FAM193A: variants seen among roughly 807,000 people sequenced by gnomAD.
FAM193A encodes family with sequence similarity 193 member A, also known as protein FAM193A.
Under a neutral mutation model 126.5 loss-of-function variants are expected in FAM193A, and 22 were observed. That is an observed-to-expected ratio of 0.17 (90% CI 0.12 to 0.25). The LOEUF (loss-of-function observed/expected upper bound fraction) is 0.25, where lower values mean the gene tolerates loss of function less well. FAM193A is among the 10% of genes least tolerant of loss of function. The pLI is 1.00. For missense variants in FAM193A, 1,675 were observed against 1,672.8 expected, an observed-to-expected ratio of 1.00 and a Z score of -0.02; for synonymous variants, 761 against 646.8, an observed-to-expected ratio of 1.18 and a Z score of -2.68.
At chr4:2,699,449 C>CAG (rs1159911522) in intron 18 of FAM193A, among the ~76,000 whole-genome samples, 1 of 77,786 alleles carries the variant, frequency 1.3e-5, no homozygotes, top group Non-Finnish European at 2.7e-5. Context: ...CCCCCCCCCA[C>CAG]ACACACACAC....
At chr4:2,711,853 G>A (rs1186264338) in intron 19 of FAM193A, among the ~76,000 whole-genome samples, 1 of 152,048 alleles carries the variant, frequency 6.6e-6, no homozygotes, top group Non-Finnish European at 1.5e-5. Flanking sequence ...CTTGAATTTG[G>A]GAGGCAAAGG....
chr4:2,681,763 C>A (rs1315959596), intron 13 of FAM193A, among the ~76,000 whole-genome samples: 3 of 151,976 alleles, frequency 2.0e-5, no homozygotes, highest in Admixed American at 2.0e-4. Context: ...CACGCCTATC[C>A]TAGTTAGGTT....
intron 5 of FAM193A, among the ~76,000 whole-genome samples, chr4:2,635,742 T>A (rs1744023401): frequency 6.6e-6 from 1 of 152,184 alleles, no homozygotes; most frequent in African/African-American, 2.4e-5. Context: ...TTCACCATGT[T>A]GGCCAGGCTG....
chr4:2,724,272 A>G (rs571467323), intron 20 of FAM193A, among the ~76,000 whole-genome samples: 2 of 151,928 alleles, frequency 1.3e-5, no homozygotes, highest in Non-Finnish European at 2.9e-5. Context: ...CCAACTTTCT[A>G]TATTCATTTA....
At chr4:2,589,902 C>G (rs536907725) in intron 1 of FAM193A, among the ~76,000 whole-genome samples, 427 of 151,984 alleles carry the variant, frequency 2.8e-3, no homozygotes, top group African/African-American at 7.8e-3. Flanking sequence ...TTTGGGAGGC[C>G]GAGGTAGGCA....
rs143117262 is a variant in FAM193A at position 2,657,133 on chromosome 4, A to G, written c.1312-670A>G. ...CATTGAGCCGAGATTGTGCCACTGC[A>G]CTCCAGCTTGGGTGATATAGCGAGA... On this transcript the variant is annotated intron_variant, in intron 7 of 20. Transcript: ENST00000637812. Among the ~76,000 whole-genome samples, 361 of 152,324 alleles carry G rather than the reference A, an allele frequency of 2.4e-3. 1 individual carries two copies. The highest frequency in any genetic ancestry group is 8.3e-3 in the African/African-American group (343 of 41,572).
chr4:2,723,042 G>A (rs1042138466), intron 20 of FAM193A, among the ~76,000 whole-genome samples: 1 of 152,204 alleles, frequency 6.6e-6, no homozygotes, highest in East Asian at 1.9e-4. Flanking sequence ...GGGAGGCCAA[G>A]GCAGGAGGAT....
intron 14 of FAM193A, 100 bp downstream of exon 14, chr4:2,689,804 C>G (rs1263184015): frequency 1.3e-6 from 1 of 797,852 alleles, no homozygotes; most frequent in Non-Finnish European, 2.0e-6. Context: ...CAGCTGTAGC[C>G]AGCTGCTGCT....
At chr4:2,667,296 C>G (rs559742028) in intron 12 of FAM193A, among the ~76,000 whole-genome samples, 58 of 152,276 alleles carry the variant, frequency 3.8e-4, no homozygotes, top group African/African-American at 1.4e-3. Context: ...TCGCCTAATA[C>G]CATCACTTTG....
At chr4:2,710,986 G>A (rs1718895773) in intron 19 of FAM193A, among the ~76,000 whole-genome samples, 1 of 151,610 alleles carries the variant, frequency 6.6e-6, no homozygotes, top group Non-Finnish European at 1.5e-5. Flanking sequence ...CAAGTAGCTG[G>A]GACTACAGGC....
At chr4:2,625,719 CTTTTTTTTTTTTTTT>C (rs35220520) in intron 3 of FAM193A, among the ~76,000 whole-genome samples, 2 of 79,304 alleles carry the variant, frequency 2.5e-5, no homozygotes, top group Non-Finnish European at 4.5e-5. Flanking sequence ...TGGAGCTCAT[CTTTTTTTTTTTTTTT>C]TTTTTTTTTT....
chr4:2,694,875 C>A, intron 16 of FAM193A, 71 bp from the exon 17 acceptor site: 2 of 1,337,082 alleles, frequency 1.5e-6, no homozygotes, highest in South Asian at 1.4e-5. Flanking sequence ...AGTGGGTGGT[C>A]ATGTGCAACA....
intron 5 of FAM193A, among the ~76,000 whole-genome samples, chr4:2,632,394 C>T (rs1743680243): frequency 6.6e-6 from 1 of 151,922 alleles, no homozygotes; most frequent in Non-Finnish European, 1.5e-5. Flanking sequence ...GGGGAGACCC[C>T]ACCTATACCA....
At chr4:2,618,815 G>A (rs1038304530) in intron 2 of FAM193A, among the ~76,000 whole-genome samples, 7 of 152,102 alleles carry the variant, frequency 4.6e-5, no homozygotes, top group South Asian at 2.1e-4. Flanking sequence ...GGCTGGTCTC[G>A]AGCTCCTGAC....
At chr4:2,729,209 G>C (rs1032066118) in intron 20 of FAM193A, among the ~76,000 whole-genome samples, 14 of 152,156 alleles carry the variant, frequency 9.2e-5, no homozygotes, top group Admixed American at 8.5e-4. Context: ...GTGCACTAAG[G>C]CACAGAATGG....
rs1035195540 is a variant in FAM193A at position 2,666,848 on chromosome 4, A to G, written c.2079+3560A>G. The stretch of plus-strand genomic sequence containing the variant: ...ATTCTGCAGTGCCTGCAGTGATGCT[A>G]ATTCTTGATTTGGGTAATTTTATCT... On this transcript the variant is annotated intron_variant, in intron 12 of 20. Coordinates refer to ENST00000637812, the MANE Select transcript of FAM193A (RefSeq NM_001366318.2). 6.6e-5 allele frequency among the ~76,000 whole-genome samples: 10 copies of G among 152,182 alleles called. 1 individual carries two copies. Among genetic ancestry groups the G allele is most frequent in the Admixed American group, 2.6e-4 (4 of 15,280 alleles).
intron 2 of FAM193A, among the ~76,000 whole-genome samples, chr4:2,604,769 CTTTTTTTCTTTTTTCTTTTTCCTTTT>C (rs1741429188): frequency 8.1e-6 from 1 of 124,048 alleles, no homozygotes. Flanking sequence ...TGAGAGTCTG[CTTTTTTTCTTTTTTCTTTTTCCTTTT>C]TTTTTTTTTT....
chr4:2,714,692 A>G lies in FAM193A; in HGVS notation c.4373-1331A>G, dbSNP rs777241557. 1.3e-5 allele frequency among the ~76,000 whole-genome samples: 2 copies of G among 152,230 alleles called. 1 individual carries two copies. The highest frequency in any genetic ancestry group is 1.3e-4 in the Admixed American group (2 of 15,276). ...CCTGGTGCTGTGTGAGTTGTCAAAA[A>G]TATTAGCTGCTATTATGCGAGTAAA... is the stretch of plus-strand genomic sequence containing the variant. On this transcript the variant is annotated intron_variant, in intron 19 of 20. Transcript: ENST00000637812.
At chr4:2,710,959 C>G (rs920525170) in intron 19 of FAM193A, among the ~76,000 whole-genome samples, 2 of 148,024 alleles carry the variant, frequency 1.4e-5, no homozygotes, top group Non-Finnish European at 3.0e-5. Flanking sequence ...TCATGCCATT[C>G]TCCTGACTCA....
Sources: gnomAD v4.1 joint callset for allele counts (sites outside exome capture counted in the v4.1 genomes callset) on GRCh38, gnomAD v4.1.1 for gene constraint, MANE v1.5 for transcripts, NCBI Gene and HGNC (gene_info 2026-07-23, HGNC 2026-07-21) for gene names.